The following ME3 variants were observed in gnomAD, a reference collection of about 807,000 sequenced individuals.
ME3 encodes malic enzyme 3, also known as NADP-dependent malic enzyme, mitochondrial.
Under a neutral mutation model 68.9 loss-of-function variants are expected in ME3, and 48 were observed. The observed-to-expected ratio is 0.70, with a 90% CI of 0.55 to 0.89. The LOEUF is 0.89. ME3 is among the 40% of genes least tolerant of loss of function. The pLI is 0.00. For synonymous variants in ME3, 320 were observed against 318.8 expected, an observed-to-expected ratio of 1.00 and a Z score of -0.04; for missense variants, 675 against 797.4, an observed-to-expected ratio of 0.85 and a Z score of 1.85.
At chr11:86,435,332 A>C in the ME3 span, 2 of 152,232 alleles carry the variant, frequency 1.3e-5, no homozygotes, top group African/African-American at 4.8e-5. Flanking sequence ...AAAAAGATGG[A>C]AAAATTATAA....
intron 4 of ME3, among the ~76,000 whole-genome samples, chr11:86,547,824 C>T (rs1956455697): frequency 6.6e-6 from 1 of 152,150 alleles, no homozygotes; most frequent in South Asian, 2.1e-4. Context: ...CTAGGAAATT[C>T]TCCCCACACC....
At chr11:86,637,762 A>G (rs1944429166) in intron 2 of ME3, among the ~76,000 whole-genome samples, 1 of 152,148 alleles carries the variant, frequency 6.6e-6, no homozygotes, top group Non-Finnish European at 1.5e-5. Flanking sequence ...AGGTTGATGA[A>G]GAAGTTGAAC....
rs1322601735 is a variant in ME3 at position 86,471,722 on chromosome 11, A to G, written c.810-6522T>C. 2.6e-5 allele frequency among the ~76,000 whole-genome samples: 4 copies of G among 152,202 alleles called. 1 individual carries two copies. The highest frequency in any genetic ancestry group is 2.6e-4 in the Admixed American group (4 of 15,280). On this transcript the variant is annotated intron_variant, in intron 7 of 14. Coordinates refer to ENST00000543262, the Ensembl canonical transcript of ME3. ...CACATGCCAGTCATCCCAGCTGCTC[A>G]AGAGGCTAAGGTGGGAAGACCATTT...
At chr11:86,540,171 G>A (rs1246912871) in intron 4 of ME3, among the ~76,000 whole-genome samples, 1 of 152,236 alleles carries the variant, frequency 6.6e-6, no homozygotes, top group African/African-American at 2.4e-5. Flanking sequence ...AGGGAATAGA[G>A]GCCCCGAGTT....
At chr11:86,485,974 A>C (rs556623703) in intron 7 of ME3, among the ~76,000 whole-genome samples, 1 of 151,550 alleles carries the variant, frequency 6.6e-6, no homozygotes, top group South Asian at 2.1e-4. Context: ...ACATTCTCCC[A>C]CTCTCCTAGA....
In ME3 at chr11:86,552,990, T is replaced by C. The variant is rs186305373; in HGVS notation, c.467+3563A>G. Among the ~76,000 whole-genome samples the C allele has an allele frequency of 8.5e-5, 13 of 152,232 alleles. No individual in the cohort carries two copies. The East Asian group carries it at 1.7e-3, about 20-fold the overall frequency. ...TTCCTCCCCATGCCCTTCCTCTGGG[T>C]TGAGTTCTGTCTCGGCCTCCACCCA... On this transcript the variant is annotated intron_variant, in intron 4 of 14. Coordinates refer to ENST00000543262, the Ensembl canonical transcript of ME3.
At chr11:86,493,617 C>A (rs1195993350) in intron 6 of ME3, among the ~76,000 whole-genome samples, 1 of 152,234 alleles carries the variant, frequency 6.6e-6, no homozygotes, top group African/African-American at 2.4e-5. Flanking sequence ...CCACACGTAG[C>A]CATGATGGAA....
chr11:86,510,465 T>G (rs547097401), intron 4 of ME3, among the ~76,000 whole-genome samples: 1 of 152,352 alleles, frequency 6.6e-6, no homozygotes, highest in South Asian at 2.1e-4. Context: ...CTATGCCACT[T>G]TTTTTCTTAC....
At chr11:86,577,711 A>G (rs971829367) in intron 2 of ME3, among the ~76,000 whole-genome samples, 2 of 152,244 alleles carry the variant, frequency 1.3e-5, no homozygotes, top group Non-Finnish European at 2.9e-5. Context: ...AATTCATTAC[A>G]CAAGTGTCTA....
At chr11:86,613,607 C>A (rs539321911) in intron 2 of ME3, among the ~76,000 whole-genome samples, 1 of 152,268 alleles carries the variant, frequency 6.6e-6, no homozygotes, top group South Asian at 2.1e-4. Flanking sequence ...AACTTATAAG[C>A]AACTTCAGCA....
intron 4 of ME3, among the ~76,000 whole-genome samples, chr11:86,520,537 A>G (rs1344745660): frequency 8.7e-6 from 1 of 114,288 alleles, no homozygotes; most frequent in African/African-American, 3.6e-5. Context: ...AAGCGGGCCC[A>G]GAATGGCTAA....
At chr11:86,642,135 CT>C (rs765677890) in intron 2 of ME3, among the ~76,000 whole-genome samples, 9 of 152,238 alleles carry the variant, frequency 5.9e-5, no homozygotes, top group Non-Finnish European at 1.3e-4. Context: ...CAAATCCTGT[CT>C]TTATTCCACC....
chr11:86,668,861 T>C (rs112496111), intron 2 of ME3, among the ~76,000 whole-genome samples: 65 of 152,280 alleles, frequency 4.3e-4, no homozygotes, highest in African/African-American at 1.4e-3. Flanking sequence ...CACTACCCCA[T>C]GCCAAACACA....
At chr11:86,475,870 T>TAGAGAGAGAGAG (rs1425139692) in intron 7 of ME3, among the ~76,000 whole-genome samples, 5 of 106,524 alleles carry the variant, frequency 4.7e-5, no homozygotes, top group Non-Finnish European at 7.7e-5. Flanking sequence ...TATATATATA[T>TAGAGAGAGAGAG]ATATAGAGAG....
At chr11:86,630,858 G>C (rs10219305) in intron 2 of ME3, among the ~76,000 whole-genome samples, 32,104 of 152,256 alleles carry the variant, frequency 0.21, 3,641 homozygotes, top group East Asian at 0.4. Context: ...GGGAGGCAGT[G>C]AAAGTTTGAA....
chr11:86,611,328 A>G (rs958789503), intron 2 of ME3, among the ~76,000 whole-genome samples: 2 of 151,440 alleles, frequency 1.3e-5, no homozygotes, highest in Admixed American at 1.3e-4. Context: ...TTGTAAACAA[A>G]AAGAGAAAAA....
intron 8 of ME3, among the ~76,000 whole-genome samples, chr11:86,458,279 A>G (rs537969079): frequency 2.6e-5 from 4 of 152,372 alleles, no homozygotes; most frequent in Admixed American, 2.0e-4. Context: ...AGTTGCTAGC[A>G]TAAGTGTTCC....
At chr11:86,606,987 G>C (rs1034869720) in intron 2 of ME3, among the ~76,000 whole-genome samples, 4 of 152,184 alleles carry the variant, frequency 2.6e-5, no homozygotes, top group African/African-American at 9.7e-5. Context: ...AACAGGAGGA[G>C]ATAGAGTTAC....
rs536443112 is a variant in ME3 at position 86,525,428 on chromosome 11, T to C, written c.468-16561A>G. Among the ~76,000 whole-genome samples the C allele has an allele frequency of 2.7e-4, 41 of 151,774 alleles. 1 individual carries two copies. In the East Asian group the frequency reaches 5.4e-3, roughly 20 times the overall value. On this transcript the variant is annotated intron_variant, in intron 4 of 14. Transcript: ENST00000543262. ...CAGGAAACCATTAAAAAAATGGCAG[T>C]AGTGAGTCCTTACTTATCAATAATT... is the stretch of plus-strand genomic sequence containing the variant.
Sources: gnomAD v4.1 joint callset for allele counts (sites outside exome capture counted in the v4.1 genomes callset) on GRCh38, gnomAD v4.1.1 for gene constraint, MANE v1.5 for transcripts, NCBI Gene and HGNC (gene_info 2026-07-23, HGNC 2026-07-21) for gene names.